Variants in ANO2 observed in about 807,000 individuals in gnomAD.
ANO2 encodes the protein anoctamin 2, also known as anoctamin-2.
In ANO2, 101 loss-of-function variants were observed where a neutral mutation model predicts 124.2. The observed-to-expected ratio is 0.81, with a 90% CI of 0.69 to 0.96. The LOEUF (loss-of-function observed/expected upper bound fraction) is 0.96, where lower values mean the gene tolerates loss of function less well. Among genes scored for constraint, ANO2 ranks in the 40% least tolerant of loss-of-function variants. The pLI, the probability that ANO2 is intolerant of heterozygous loss-of-function variation, is 0.00. For synonymous variants in ANO2, 486 were observed against 482.5 expected (o/e 1.01, Z -0.09); for missense variants, 1,293 against 1,274.5 (o/e 1.01, Z -0.22).
chr12:5,927,757 G>C (rs1000030710), intron 1 of ANO2, among the ~76,000 whole-genome samples: 4 of 152,262 alleles, frequency 2.6e-5, no homozygotes, highest in African/African-American at 9.6e-5. Flanking sequence ...AGAGGTCATA[G>C]CCTGAAGGCA....
chr12:5,579,452 C>G (rs1942612872), intron 20 of ANO2, among the ~76,000 whole-genome samples: 1 of 152,180 alleles, frequency 6.6e-6, no homozygotes, highest in Admixed American at 6.5e-5. Context: ...AAGAGACCTT[C>G]TAAGCTATGG....
chr12:5,885,005 C>A (rs1206762909), intron 3 of ANO2, among the ~76,000 whole-genome samples: 1 of 152,228 alleles, frequency 6.6e-6, no homozygotes, highest in Non-Finnish European at 1.5e-5. Flanking sequence ...CATTCTTACT[C>A]CACTATTTCA....
chr12:5,876,603 G>C (rs1009207327), intron 3 of ANO2, among the ~76,000 whole-genome samples: 18 of 152,154 alleles, frequency 1.2e-4, no homozygotes, highest in African/African-American at 4.3e-4. Context: ...ATGATAGACT[G>C]GATAAAGAAA....
intron 14 of ANO2, among the ~76,000 whole-genome samples, chr12:5,651,012 A>G (rs1419875369): frequency 6.6e-6 from 1 of 152,256 alleles, no homozygotes; most frequent in African/African-American, 2.4e-5. Flanking sequence ...TAAGTGGCCC[A>G]GGTATTGTGG....
At chr12:5,932,002 AT>A (rs1942417746) in intron 1 of ANO2, among the ~76,000 whole-genome samples, 1 of 108,086 alleles carries the variant, frequency 9.3e-6, no homozygotes, top group Admixed American at 9.8e-5. Context: ...AAAGTGACTA[AT>A]AAGGAAAGAA....
intron 14 of ANO2, among the ~76,000 whole-genome samples, chr12:5,697,625 C>A (rs547143033): frequency 6.6e-6 from 1 of 152,098 alleles, no homozygotes; most frequent in Non-Finnish European, 1.5e-5. Flanking sequence ...GTGGGTGCAG[C>A]GCACCAAGCA....
chr12:5,887,827 G>A (rs1175833749), intron 3 of ANO2, among the ~76,000 whole-genome samples: 1 of 151,300 alleles, frequency 6.6e-6, no homozygotes, highest in Non-Finnish European at 1.5e-5. Context: ...CATGCCCCCC[G>A]GTTTTTTTTT....
At chr12:5,567,124 G>A (rs1199190390) in intron 23 of ANO2, among the ~76,000 whole-genome samples, 1 of 152,190 alleles carries the variant, frequency 6.6e-6, no homozygotes, top group East Asian at 1.9e-4. Flanking sequence ...CTCGACTAGG[G>A]CTTGGCAGGA....
chr12:5,681,015 A>T (rs1948465403), intron 14 of ANO2, among the ~76,000 whole-genome samples: 1 of 152,158 alleles, frequency 6.6e-6, no homozygotes, highest in Non-Finnish European at 1.5e-5. Context: ...AATAAAGGGG[A>T]ACATGGGTAC....
intron 7 of ANO2, among the ~76,000 whole-genome samples, chr12:5,825,887 G>C (rs1038726176): frequency 1.3e-5 from 2 of 152,150 alleles, no homozygotes; most frequent in African/African-American, 4.8e-5. Context: ...AGAAAACCAC[G>C]ACCTGCTGAG....
intron 1 of ANO2, among the ~76,000 whole-genome samples, chr12:5,923,280 GCA>G (rs1198399219): frequency 2.0e-4 from 9 of 44,422 alleles, no homozygotes; most frequent in Admixed American, 5.9e-4. Flanking sequence ...ACACACACAC[GCA>G]CACACACAGC....
chr12:5,620,717 T>C lies in ANO2; in HGVS notation c.1817-5420A>G, dbSNP rs114846890. Among the ~76,000 whole-genome samples the C allele has an allele frequency of 3.3e-3, 505 of 152,214 alleles. 7 individuals carry two copies. The highest frequency in any genetic ancestry group is 0.012 in the African/African-American group (485 of 41,504). On this transcript the variant is annotated intron_variant, in intron 16 of 24. Coordinates refer to ENST00000682330, the MANE Select transcript of ANO2 (RefSeq NM_001364791.2). The stretch of plus-strand genomic sequence containing the variant: ...ATTCCTCTGCTGGTGGAAAGCTTTG[T>C]GGTTTTCTCCTTCCGGTCCTGCCTG...
chr12:5,616,487 A>G (rs900958751), intron 16 of ANO2, among the ~76,000 whole-genome samples: 2 of 152,198 alleles, frequency 1.3e-5, no homozygotes, highest in African/African-American at 4.8e-5. Flanking sequence ...TGGGGAACAC[A>G]AGTATTAGGC....
At chr12:5,905,196 T>C (rs533080379) in intron 3 of ANO2, among the ~76,000 whole-genome samples, 102 of 152,262 alleles carry the variant, frequency 6.7e-4, no homozygotes, top group African/African-American at 2.4e-3. Context: ...CAGGTGCTGT[T>C]GCGTGTTAGG....
chr12:5,730,142 T>C (rs908431147), intron 14 of ANO2, among the ~76,000 whole-genome samples: 75 of 152,222 alleles, frequency 4.9e-4, no homozygotes, highest in African/African-American at 1.8e-3. Flanking sequence ...ATATGCATAT[T>C]GAATTGTGCA....
chr12:5,637,481 G>A (rs773012647), intron 15 of ANO2, among the ~76,000 whole-genome samples: 6 of 152,044 alleles, frequency 3.9e-5, no homozygotes, highest in African/African-American at 9.7e-5. Context: ...GGGGAGATCA[G>A]CTTCTGTTCT....
rs377499491 is a variant in ANO2, at chr12:5,610,723, CATAT to C, written c.2087+1929_2087+1932del. On this transcript the variant is annotated intron_variant, in intron 19 of 24. Coordinates refer to ENST00000682330, the MANE Select transcript of ANO2 (RefSeq NM_001364791.2). ...ATACATGTATGTGTACACATATATACATATATATATATATATATATGAAAATAAA... is the reference window on the plus strand; with the variant it reads ...ATACATGTATGTGTACACATATATACATATATATATATATATGAAAATAAA... Among the ~76,000 whole-genome samples, 169 of 116,896 alleles carry C rather than the reference CATAT, an allele frequency of 1.4e-3. 4 individuals are homozygous for C. Among genetic ancestry groups the C allele is most frequent in the African/African-American group, 5.5e-3 (162 of 29,688 alleles). The allele number at this position is 116,896 out of a possible 152,430, so 76.7% of individuals were successfully genotyped here. A position where few individuals can be genotyped will look rare whatever the true frequency, so the allele number is the denominator to read the frequency against.
At chr12:5,781,963 A>G (rs1156347376) in intron 10 of ANO2, among the ~76,000 whole-genome samples, 1 of 152,222 alleles carries the variant, frequency 6.6e-6, no homozygotes, top group East Asian at 1.9e-4. Context: ...ATCAATTAGG[A>G]CAAGTTCATT....
At chr12:5,759,741 C>T (rs1313430074) in intron 10 of ANO2, among the ~76,000 whole-genome samples, 1 of 151,208 alleles carries the variant, frequency 6.6e-6, no homozygotes, top group Non-Finnish European at 1.5e-5. Context: ...ATCCCTGGTG[C>T]CAAAAAGGTT....
Sources: allele counts gnomAD v4.1 joint callset (sites outside exome capture counted in the v4.1 genomes callset), GRCh38; gene constraint gnomAD v4.1.1; transcripts MANE v1.5; gene names NCBI Gene and HGNC (gene_info 2026-07-23, HGNC 2026-07-21).